DCAF16: variants seen among roughly 807,000 people sequenced by gnomAD.
DCAF16 encodes DDB1 and CUL4 associated factor 16.
DCAF16 carries 10 observed loss-of-function variants against 17.3 expected under a neutral mutation model. The observed-to-expected ratio is 0.58, with a 90% CI of 0.36 to 0.98. The LOEUF (loss-of-function observed/expected upper bound fraction) is 0.98, where lower values mean the gene tolerates loss of function less well. Among genes scored for constraint, DCAF16 ranks in the 50% least tolerant of loss-of-function variants. DCAF16 has a pLI of 0.01. For missense variants in DCAF16, 249 were observed against 247.6 expected (o/e 1.01, Z -0.04); for synonymous variants, 111 against 92.8 (o/e 1.20, Z -1.12).
the DCAF16 span, among the ~76,000 whole-genome samples, chr4:17,793,517 G>T: frequency 6.6e-6 from 1 of 151,922 alleles, no homozygotes; most frequent in Non-Finnish European, 1.5e-5. Flanking sequence ...AAGGATAAAT[G>T]AATTATGATA....
rs375658226 is a variant in DCAF16 at position 17,810,558 on chromosome 4, C to T, written c.-861G>A. The stretch of plus-strand genomic sequence containing the variant: ...TTTGTCGCCGTCTCTCGAAGCGGAG[C>T]CCTCGTGTGGGGATCCCCCGCCCTT... On this transcript the variant is annotated 5_prime_UTR_variant, in exon 1 of 3. Transcript: ENST00000382247. 10 of 152,426 alleles carry T rather than the reference C, an allele frequency of 6.6e-5. No individual in the cohort carries two copies. Among genetic ancestry groups the T allele is most frequent in the African/African-American group, 2.2e-4 (9 of 41,484 alleles). 9.4% of individuals were successfully genotyped at this position (152,426 alleles called of 1,614,324 possible). A position where few individuals can be genotyped will look rare whatever the true frequency, so the allele number is the denominator to read the frequency against.
At chr4:17,800,008 G>A (rs560518660), downstream of DCAF16, among the ~76,000 whole-genome samples, 7 of 152,074 alleles carry the variant, frequency 4.6e-5, no homozygotes, top group South Asian at 2.1e-4. Flanking sequence ...TTAGCTGGGC[G>A]TGGTGGCACA....
chr4:17,799,563 A>G (rs1033679001), downstream of DCAF16, among the ~76,000 whole-genome samples: 2 of 152,248 alleles, frequency 1.3e-5, no homozygotes, highest in Non-Finnish European at 2.9e-5. Flanking sequence ...AAAAGTAGAA[A>G]GCCAGATGCA....
intron 1 of DCAF16, among the ~76,000 whole-genome samples, chr4:17,806,311 C>T (rs566954208): frequency 6.6e-6 from 1 of 152,150 alleles, no homozygotes; most frequent in East Asian, 1.9e-4. Context: ...AAAGTTGGTA[C>T]TTTTATTGTC....
At chr4:17,804,833 G>A (rs1418851944) in intron 2 of DCAF16, 62 bp from the exon 3 acceptor site, 1 of 166,508 alleles carries the variant, frequency 6.0e-6, no homozygotes, top group Admixed American at 6.5e-5. Context: ...CTAACTTCAA[G>A]ATATCTAAAA....
chr4:17,803,707 CA>C lies in DCAF16; in HGVS notation c.434del (p.Leu145ArgfsTer8), dbSNP rs1263398230. The C allele has an allele frequency of 2.5e-6, 4 of 1,614,120 alleles. No homozygotes were observed. The South Asian group carries it at 4.4e-5, about 18-fold the overall frequency. ...SRDHATLNGA[L>X]QFATKQLSRT... is the part of the protein sequence containing the mutation. ...GGCTTAGCTGTTTGGTGGCAAATTGCAGTGCTCCATTTAGAGTGGCATGATC... is the reference window on the plus strand; with the variant it reads ...GGCTTAGCTGTTTGGTGGCAAATTGCGTGCTCCATTTAGAGTGGCATGATC... On this transcript the variant is annotated frameshift_variant, in exon 3 of 3. Coordinates refer to ENST00000382247, the MANE Select transcript of DCAF16 (RefSeq NM_017741.4). LOFTEE classifies it high-confidence loss of function.
At chr4:17,805,664 T>C (rs1720258526) in intron 1 of DCAF16, among the ~76,000 whole-genome samples, 1 of 152,190 alleles carries the variant, frequency 6.6e-6, no homozygotes, top group African/African-American at 2.4e-5. Flanking sequence ...ACATTTCCTT[T>C]AAAAGTGAAG....
the DCAF16 span, among the ~76,000 whole-genome samples, chr4:17,795,356 A>AT: frequency 1.3e-5 from 2 of 150,546 alleles, no homozygotes; most frequent in South Asian, 4.2e-4. Context: ...GTGCTTTGGT[A>AT]TTTTTTAATT....
chr4:17,793,556 A>G, the DCAF16 span, among the ~76,000 whole-genome samples: 8 of 152,228 alleles, frequency 5.3e-5, no homozygotes, highest in African/African-American at 1.9e-4. Context: ...GTCTATAACA[A>G]TAAAAAAAAG....
the DCAF16 span, among the ~76,000 whole-genome samples, chr4:17,793,446 G>C: frequency 6.6e-6 from 1 of 151,930 alleles, no homozygotes; most frequent in African/African-American, 2.4e-5. Context: ...AATACACACA[G>C]AATGTTTATT....
At position 17,801,466 on chromosome 4, in the gene DCAF16, T is replaced by G. The variant is rs1349546978; in HGVS notation, c.*2025A>C. 6.6e-6 allele frequency: 1 copy of G among 152,098 alleles called. No homozygotes were observed. The highest frequency in any genetic ancestry group is 1.5e-5 in the Non-Finnish European group (1 of 68,000). The allele number at this position is 152,098 out of a possible 1,614,324, so 9.4% of individuals were successfully genotyped here. ...TTTGATGCCACTTTGTAAACGGCAC[T>G]TAATTATGGAAAATAGGAAAAAGCA... On this transcript the variant is annotated 3_prime_UTR_variant, in exon 3 of 3. Coordinates refer to ENST00000382247, the MANE Select transcript of DCAF16 (RefSeq NM_017741.4).
downstream of DCAF16, among the ~76,000 whole-genome samples, chr4:17,799,240 C>T (rs1719579084): frequency 6.6e-6 from 1 of 152,120 alleles, no homozygotes; most frequent in Non-Finnish European, 1.5e-5. Context: ...TGGATGGCTG[C>T]TCCATTCAAT....
intron 1 of DCAF16, among the ~76,000 whole-genome samples, chr4:17,806,341 A>C (rs1241822409): frequency 6.6e-6 from 1 of 152,210 alleles, no homozygotes; most frequent in Non-Finnish European, 1.5e-5. Flanking sequence ...CCTGTGGATT[A>C]AGTTACGTGA....
chr4:17,805,632 AT>A (rs1720254159), intron 1 of DCAF16, among the ~76,000 whole-genome samples: 1 of 152,316 alleles, frequency 6.6e-6, no homozygotes, highest in East Asian at 1.9e-4. Context: ...TTAAGCAAAC[AT>A]TATCCTGAAT....
At chr4:17,807,109 C>A (rs1720401717) in intron 1 of DCAF16, among the ~76,000 whole-genome samples, 1 of 151,916 alleles carries the variant, frequency 6.6e-6, no homozygotes, top group African/African-American at 2.4e-5. Context: ...GGATTAAAGA[C>A]CTAAATGGGG....
chr4:17,798,263 T>C (rs978866996), downstream of DCAF16, among the ~76,000 whole-genome samples: 3 of 150,630 alleles, frequency 2.0e-5, no homozygotes, highest in Admixed American at 6.6e-5. Flanking sequence ...CTCCACAGTT[T>C]AGAAGAAATA....
At chr4:17,797,103 C>T (rs574278638), downstream of DCAF16, among the ~76,000 whole-genome samples, 1 of 152,072 alleles carries the variant, frequency 6.6e-6, no homozygotes, top group Non-Finnish European at 1.5e-5. Context: ...GCTAGGACTA[C>T]GGGTGTGCAC....
In DCAF16 at chr4:17,801,264, G is replaced by A. The variant is rs1435333113; in HGVS notation, c.*2227C>T. ...CTGTCTTAGCCTCCCAAGTAGCTGC[G>A]ATTACAGGCACATGCCACCACGCCC... On this transcript the variant is annotated 3_prime_UTR_variant, in exon 3 of 3. Transcript: ENST00000382247. 6.6e-6 allele frequency: 1 copy of A among 152,004 alleles called. No homozygotes were observed. Among genetic ancestry groups the A allele is most frequent in the Non-Finnish European group, 1.5e-5 (1 of 68,032 alleles). 9.4% of individuals were successfully genotyped at this position (152,004 alleles called of 1,614,324 possible).
At chr4:17,807,077 T>C (rs1318275574) in intron 1 of DCAF16, among the ~76,000 whole-genome samples, 2 of 152,090 alleles carry the variant, frequency 1.3e-5, no homozygotes, top group African/African-American at 2.4e-5. Context: ...TATAATGACA[T>C]GTATAAGGGA....
Sources: allele counts gnomAD v4.1 joint callset (sites outside exome capture counted in the v4.1 genomes callset), GRCh38; gene constraint gnomAD v4.1.1; transcripts MANE v1.5; gene names NCBI Gene and HGNC (gene_info 2026-07-23, HGNC 2026-07-21).